Variants in PTPN12 observed in about 807,000 individuals in gnomAD.
The protein encoded by PTPN12 is protein tyrosine phosphatase non-receptor type 12.
Under a neutral mutation model 97.6 loss-of-function variants are expected in PTPN12, and 29 were observed. That is an observed-to-expected ratio of 0.30 (90% CI 0.22 to 0.41). The LOEUF is 0.41. PTPN12 is among the 10% of genes least tolerant of loss of function. PTPN12 has a pLI of 1.00. For synonymous variants in PTPN12, 327 were observed against 300.4 expected (o/e 1.09, Z -0.91); for missense variants, 819 against 926.0 (o/e 0.88, Z 1.50).
chr7:77,631,641 C>G (rs927271565), intron 13 of PTPN12, among the ~76,000 whole-genome samples: 1 of 152,196 alleles, frequency 6.6e-6, no homozygotes, highest in Non-Finnish European at 1.5e-5. Context: ...AATGCACTCT[C>G]TTTCCCAAGA....
chr7:77,588,317 A>G (rs905857765), intron 5 of PTPN12, among the ~76,000 whole-genome samples: 5 of 152,192 alleles, frequency 3.3e-5, no homozygotes, highest in Non-Finnish European at 7.3e-5. Flanking sequence ...TCTAATTTCA[A>G]TATTGTGTCT....
In PTPN12 at chr7:77,563,606, T is replaced by G. The variant is rs916207386; in HGVS notation, c.100-7472T>G. Among the ~76,000 whole-genome samples the G allele has an allele frequency of 2.0e-5, 3 of 152,204 alleles. No homozygotes were observed. The East Asian group carries it at 5.8e-4, about 29-fold the overall frequency. The stretch of plus-strand genomic sequence containing the variant: ...AATAAGTGAAGCATACATTTTGACA[T>G]GAGCAAAGCACAGAATCATTTTATT... On this transcript the variant is annotated intron_variant, in intron 1 of 17. Coordinates refer to ENST00000248594, the MANE Select transcript of PTPN12 (RefSeq NM_002835.4).
At chr7:77,604,197 A>G (rs1377361812) in intron 8 of PTPN12, among the ~76,000 whole-genome samples, 2 of 61,588 alleles carry the variant, frequency 3.2e-5, no homozygotes, top group Admixed American at 1.8e-4. Flanking sequence ...CTTTGTTTGC[A>G]TTTTTTTCTT....
intron 1 of PTPN12, among the ~76,000 whole-genome samples, chr7:77,552,862 TAAAAC>T (rs929624195): frequency 2.6e-5 from 4 of 152,192 alleles, no homozygotes; most frequent in Non-Finnish European, 5.9e-5. Flanking sequence ...TCTTTATCGT[TAAAAC>T]AGAAATAGTT....
At chr7:77,581,153 A>G (rs1285484279) in intron 2 of PTPN12, among the ~76,000 whole-genome samples, 4 of 151,990 alleles carry the variant, frequency 2.6e-5, no homozygotes, top group African/African-American at 9.7e-5. Context: ...GCTCACTGCA[A>G]CCTCTGCCTC....
At chr7:77,557,371 C>G (rs1807768887) in intron 1 of PTPN12, among the ~76,000 whole-genome samples, 2 of 152,148 alleles carry the variant, frequency 1.3e-5, no homozygotes, top group Admixed American at 6.5e-5. Context: ...AGTGTTTCTG[C>G]TCTGATTACT....
chr7:77,569,528 T>C (rs963368683), intron 1 of PTPN12, among the ~76,000 whole-genome samples: 7 of 152,288 alleles, frequency 4.6e-5, no homozygotes, highest in Admixed American at 1.3e-4. Context: ...CTCAGCACTT[T>C]GGAAGGCTGA....
rs142922294 is a variant in PTPN12, at chr7:77,611,576, C to A, written c.939+530C>A. 5.6e-3 allele frequency among the ~76,000 whole-genome samples: 860 copies of A among 152,356 alleles called. 4 individuals are homozygous for A. Among genetic ancestry groups the A allele is most frequent in the African/African-American group, 0.02 (819 of 41,576 alleles). On this transcript the variant is annotated intron_variant, in intron 11 of 17. Transcript: ENST00000248594. ...TTTCCTGCCTCAGCCTCCTGAGTAG[C>A]TGGGATTACAGGCGCACGCCACTGT...
chr7:77,586,373 T>G (rs1787690882), intron 5 of PTPN12, among the ~76,000 whole-genome samples: 1 of 152,232 alleles, frequency 6.6e-6, no homozygotes, highest in South Asian at 2.1e-4. Context: ...GGCTGCCGAC[T>G]GATCAAGTTG....
chr7:77,636,542 A>G (rs1473895976), intron 15 of PTPN12, among the ~76,000 whole-genome samples: 1 of 152,148 alleles, frequency 6.6e-6, no homozygotes, highest in Non-Finnish European at 1.5e-5. Flanking sequence ...TGATCACACC[A>G]CTGCACTCCA....
At position 77,638,604 on chromosome 7, in the gene PTPN12, G is replaced by A. The variant is rs768296543; in HGVS notation, c.2174-20G>A. 3 of 1,560,450 alleles carry A rather than the reference G, an allele frequency of 1.9e-6. No homozygotes were observed. The highest frequency in any genetic ancestry group is 2.6e-6 in the Non-Finnish European group (3 of 1,160,154). ...GCTACAAAGGATGGTGATTAACAAA[G>A]GCTTTGTGTTGCTACTTAGATCATC... On this transcript the variant is annotated intron_variant, in intron 16 of 17. Coordinates refer to ENST00000248594, the MANE Select transcript of PTPN12 (RefSeq NM_002835.4).
intron 1 of PTPN12, among the ~76,000 whole-genome samples, chr7:77,568,081 A>G (rs1808332194): frequency 6.6e-6 from 1 of 152,254 alleles, no homozygotes; most frequent in Admixed American, 6.5e-5. Flanking sequence ...TCTGATGGGC[A>G]TGAAAATTGC....
intron 8 of PTPN12, among the ~76,000 whole-genome samples, chr7:77,601,834 G>C (rs184951370): frequency 3.3e-5 from 5 of 152,192 alleles, no homozygotes; most frequent in Non-Finnish European, 7.4e-5. Flanking sequence ...AAAATTTAAA[G>C]CCGGAAGCAA....
intron 5 of PTPN12, among the ~76,000 whole-genome samples, chr7:77,587,735 G>A (rs1787737816): frequency 6.6e-6 from 1 of 152,180 alleles, no homozygotes; most frequent in South Asian, 2.1e-4. Flanking sequence ...CCAATATAAG[G>A]ATGTTTCATC....
chr7:77,630,693 AC>A (rs971065965), intron 13 of PTPN12, among the ~76,000 whole-genome samples: 2 of 152,200 alleles, frequency 1.3e-5, no homozygotes, highest in Non-Finnish European at 1.5e-5. Flanking sequence ...CCTAAAAAAA[AC>A]TTTTGCATAA....
rs1247803213 is a variant in PTPN12 at position 77,564,051 on chromosome 7, T to A, written c.100-7027T>A. On this transcript the variant is annotated intron_variant, in intron 1 of 17. Coordinates refer to ENST00000248594, the MANE Select transcript of PTPN12 (RefSeq NM_002835.4). Reference sequence around the variant, plus strand: ...CACCACGAGGCTTGGCTAATTTTTGTATTTTTTGGTAGAGATTGGGTTTCA... The same window carrying A: ...CACCACGAGGCTTGGCTAATTTTTGAATTTTTTGGTAGAGATTGGGTTTCA... 3 of 264,854 alleles carry A rather than the reference T, an allele frequency of 1.1e-5. No individual in the cohort carries two copies. In the East Asian group the frequency reaches 3.9e-4, roughly 34 times the overall value. 16.4% of individuals were successfully genotyped at this position (264,854 alleles called of 1,614,324 possible). A position where few individuals can be genotyped will look rare whatever the true frequency, so the allele number is the denominator to read the frequency against.
chr7:77,610,896 T>G (rs1788546877), intron 10 of PTPN12, 52 bp from the exon 11 acceptor site: 5 of 1,584,038 alleles, frequency 3.2e-6, no homozygotes, highest in Non-Finnish European at 4.3e-6. Context: ...GCTTTCTTCT[T>G]TTTTAAAATG....
In PTPN12 at chr7:77,637,081, T is replaced by C. The variant is rs767524935; in HGVS notation, c.2173+33T>C. 7.2e-6 allele frequency: 11 copies of C among 1,522,234 alleles called. No individual in the cohort carries two copies. The Admixed American group carries it at 1.7e-4, about 24-fold the overall frequency. The allele number at this position is 1,522,234 out of a possible 1,614,324, so 94.3% of individuals were successfully genotyped here. ...GTTAGATTTTTTTTTTCCTTTTTACTGTAGATTTTATTGATTAATTTCTAC... is the reference window on the plus strand; with the variant it reads ...GTTAGATTTTTTTTTTCCTTTTTACCGTAGATTTTATTGATTAATTTCTAC... On this transcript the variant is annotated intron_variant, in intron 16 of 17. Transcript: ENST00000248594.
At chr7:77,609,668 C>T (rs913965112) in intron 9 of PTPN12, among the ~76,000 whole-genome samples, 3 of 151,954 alleles carry the variant, frequency 2.0e-5, no homozygotes, top group African/African-American at 4.8e-5. Flanking sequence ...ATCACGAGGT[C>T]AGCAGATTGA....
Sources: allele counts gnomAD v4.1 joint callset (sites outside exome capture counted in the v4.1 genomes callset), GRCh38; gene constraint gnomAD v4.1.1; transcripts MANE v1.5; gene names NCBI Gene and HGNC (gene_info 2026-07-23, HGNC 2026-07-21).